Variants in FBXO28 observed in about 807,000 individuals in gnomAD.
FBXO28 encodes F-box protein 28, also known as F-box only protein 28.
A neutral mutation model predicts 38.1 loss-of-function variants in FBXO28; 8 were observed. The observed-to-expected ratio is 0.21, with a 90% CI of 0.12 to 0.38. The LOEUF (loss-of-function observed/expected upper bound fraction) is 0.38, where lower values mean the gene tolerates loss of function less well. Among genes scored for constraint, FBXO28 ranks in the 10% least tolerant of loss-of-function variants. The probability of loss-of-function intolerance (pLI) is 1.00; values close to 1 mark genes in which losing one functional copy is unlikely to be tolerated. For synonymous variants in FBXO28, 168 were observed against 173.8 expected, an observed-to-expected ratio of 0.97 and a Z score of 0.26; for missense variants, 345 against 460.6, an observed-to-expected ratio of 0.75 and a Z score of 2.30.
At chr1:224,126,699 A>G (rs1656911601) in intron 1 of FBXO28, among the ~76,000 whole-genome samples, 1 of 152,166 alleles carries the variant, frequency 6.6e-6, no homozygotes, top group African/African-American at 2.4e-5. Flanking sequence ...AATCCCAGCT[A>G]CTTGGGAGGC....
chr1:224,156,137 A>ATT (rs1321949433), intron 4 of FBXO28, among the ~76,000 whole-genome samples: 1 of 152,192 alleles, frequency 6.6e-6, no homozygotes, highest in Non-Finnish European at 1.5e-5. Flanking sequence ...GAAGATTAAC[A>ATT]TTATGGTTTA....
intron 3 of FBXO28, among the ~76,000 whole-genome samples, chr1:224,136,719 CT>C (rs753271027): frequency 3.3e-5 from 5 of 151,100 alleles, no homozygotes; most frequent in Non-Finnish European, 7.4e-5. Flanking sequence ...CAGAGCAAGA[CT>C]TTGTCTCCAG....
At chr1:224,143,359 C>T (rs916985086) in intron 3 of FBXO28, among the ~76,000 whole-genome samples, 27 of 152,258 alleles carry the variant, frequency 1.8e-4, no homozygotes, top group Non-Finnish European at 3.2e-4. Context: ...CAGAGCTGTG[C>T]CTGTTAGGTT....
intron 3 of FBXO28, among the ~76,000 whole-genome samples, chr1:224,137,524 CA>C (rs1199237530): frequency 1.4e-5 from 2 of 145,172 alleles, no homozygotes; most frequent in African/African-American, 2.6e-5. Context: ...TCTGTCTCAG[CA>C]AAAAAAAAGA....
intron 3 of FBXO28, among the ~76,000 whole-genome samples, chr1:224,146,668 G>A (rs908339171): frequency 3.3e-5 from 5 of 149,850 alleles, no homozygotes; most frequent in African/African-American, 1.2e-4. Flanking sequence ...TAAGCCACCA[G>A]CCACAGCCTG....
chr1:224,141,254 C>T (rs533748620), intron 3 of FBXO28, among the ~76,000 whole-genome samples: 2 of 151,970 alleles, frequency 1.3e-5, no homozygotes, highest in South Asian at 2.1e-4. Context: ...GGGCGGATCA[C>T]GAGGTCAGGA....
At chr1:224,153,363 G>A in intron 4 of FBXO28, 26 bp downstream of exon 4, 1 of 1,507,678 alleles carries the variant, frequency 6.6e-7, no homozygotes, top group Middle Eastern at 1.7e-4. Context: ...AATCATGCTT[G>A]TACATAATTT....
intron 1 of FBXO28, among the ~76,000 whole-genome samples, chr1:224,127,664 T>TG (rs1323196299): frequency 6.6e-6 from 1 of 152,290 alleles, no homozygotes; most frequent in East Asian, 1.9e-4. Context: ...CCCTGCACTT[T>TG]GGGGGGCCAA....
chr1:224,135,767 T>TGG (rs1162504175), intron 3 of FBXO28, among the ~76,000 whole-genome samples: 3 of 152,122 alleles, frequency 2.0e-5, no homozygotes, highest in African/African-American at 7.2e-5. Context: ...CCAGGTGCCG[T>TGG]GGCTCACACC....
In FBXO28 at chr1:224,159,838, C is replaced by G. The variant is rs1262150698; in HGVS notation, c.*2092C>G. The G allele has an allele frequency of 1.3e-5, 2 of 152,070 alleles. No individual in the cohort carries two copies. Among genetic ancestry groups the G allele is most frequent in the Non-Finnish European group, 2.9e-5 (2 of 68,008 alleles). 9.4% of individuals were successfully genotyped at this position (152,070 alleles called of 1,614,324 possible). A position where few individuals can be genotyped will look rare whatever the true frequency, so the allele number is the denominator to read the frequency against. ...GAACTATTAAAAATTTCCTGAATTT[C>G]TTTTTAAACTACATCTAGATAGCCT... On this transcript the variant is annotated 3_prime_UTR_variant, in exon 5 of 5. Transcript: ENST00000366862.
At chr1:224,137,164 C>A (rs1657211043) in intron 3 of FBXO28, among the ~76,000 whole-genome samples, 1 of 151,822 alleles carries the variant, frequency 6.6e-6, no homozygotes, top group Non-Finnish European at 1.5e-5. Context: ...TTAAGTGAAT[C>A]TGAGTAGTAG....
intron 3 of FBXO28, among the ~76,000 whole-genome samples, chr1:224,148,516 G>T (rs1009590372): frequency 6.6e-6 from 1 of 151,872 alleles, no homozygotes; most frequent in Non-Finnish European, 1.5e-5. Context: ...AAAAAAATTC[G>T]CCAGGTGTGG....
intron 3 of FBXO28, among the ~76,000 whole-genome samples, chr1:224,145,465 C>T (rs1438531482): frequency 6.6e-6 from 1 of 151,994 alleles, no homozygotes; most frequent in African/African-American, 2.4e-5. Context: ...TTTCAAGAAC[C>T]TATCAACATT....
At chr1:224,121,133 T>G (rs1265341524) in intron 1 of FBXO28, among the ~76,000 whole-genome samples, 1 of 152,182 alleles carries the variant, frequency 6.6e-6, no homozygotes, top group Non-Finnish European at 1.5e-5. Context: ...AGTATGTAAT[T>G]AACAAGATAG....
At chr1:224,152,244 A>G (rs979179548) in intron 3 of FBXO28, among the ~76,000 whole-genome samples, 1 of 152,158 alleles carries the variant, frequency 6.6e-6, no homozygotes, top group Non-Finnish European at 1.5e-5. Flanking sequence ...TGGTGGTGAC[A>G]AGGAAGTGAC....
rs1366301784 is a variant in FBXO28 at position 224,161,871 on chromosome 1, G to T, written c.*4125G>T. ...TCAAACCTATTCCAAAAGGTTAGAA[G>T]TGTTTAAGATTCCTTTATTGTGGTA... On this transcript the variant is annotated 3_prime_UTR_variant, in exon 5 of 5. Coordinates refer to ENST00000366862, the MANE Select transcript of FBXO28 (RefSeq NM_015176.4). The T allele has an allele frequency of 6.6e-6, 1 of 152,180 alleles. No individual in the cohort carries two copies. Among genetic ancestry groups the T allele is most frequent in the Non-Finnish European group, 1.5e-5 (1 of 68,028 alleles). 9.4% of individuals were successfully genotyped at this position (152,180 alleles called of 1,614,324 possible). A position where few individuals can be genotyped will look rare whatever the true frequency, so the allele number is the denominator to read the frequency against.
rs554516875 is a variant in FBXO28, at chr1:224,161,711, C to G, written c.*3965C>G. On this transcript the variant is annotated 3_prime_UTR_variant, in exon 5 of 5. Coordinates refer to ENST00000366862, the MANE Select transcript of FBXO28 (RefSeq NM_015176.4). ...AGTACTGCTGTCCTTTTGCATCTTC[C>G]TAAGCATCTTGGTTAAATTTCTGAA... 6.6e-6 allele frequency: 1 copy of G among 152,276 alleles called. No homozygotes were observed. The highest frequency in any genetic ancestry group is 2.4e-5 in the African/African-American group (1 of 41,558). 9.4% of individuals were successfully genotyped at this position (152,276 alleles called of 1,614,324 possible). A position where few individuals can be genotyped will look rare whatever the true frequency, so the allele number is the denominator to read the frequency against.
At chr1:224,116,307 C>CT (rs1229461024) in intron 1 of FBXO28, among the ~76,000 whole-genome samples, 1 of 152,076 alleles carries the variant, frequency 6.6e-6, no homozygotes, top group East Asian at 1.9e-4. Flanking sequence ...GAAAGATGTT[C>CT]TTTTTTGCCA....
At chr1:224,145,293 CAA>C (rs3035404) in intron 3 of FBXO28, among the ~76,000 whole-genome samples, 22,849 of 72,324 alleles carry the variant, frequency 0.32, 2,073 homozygotes, top group East Asian at 0.49. Context: ...GACTACATCT[CAA>C]AAAAAAAAAA....
Sources: allele counts gnomAD v4.1 joint callset (sites outside exome capture counted in the v4.1 genomes callset), GRCh38; gene constraint gnomAD v4.1.1; transcripts MANE v1.5; gene names NCBI Gene and HGNC (gene_info 2026-07-23, HGNC 2026-07-21).